FNBP1L: variants seen among roughly 807,000 people sequenced by gnomAD.
FNBP1L encodes formin-binding protein 1-like.
A neutral mutation model predicts 91.2 loss-of-function variants in FNBP1L; 36 were observed. The ratio of observed to expected loss-of-function variants is 0.39; its 90% CI spans 0.30 to 0.52. The LOEUF is 0.52. Ranked by LOEUF, FNBP1L falls within the 20% of genes least tolerant of loss-of-function variation. The pLI is 0.66. For synonymous variants in FNBP1L, 242 were observed against 237.0 expected (o/e 1.02, Z -0.19); for missense variants, 571 against 732.1 (o/e 0.78, Z 2.54).
chr1:93,505,178 C>T (rs942030716), intron 2 of FNBP1L, among the ~76,000 whole-genome samples: 2 of 145,224 alleles, frequency 1.4e-5, no homozygotes, highest in Non-Finnish European at 3.0e-5. Context: ...GTGGCGCGAT[C>T]TTGGCTCACT....
At chr1:93,513,200 T>C (rs1202466887) in intron 2 of FNBP1L, among the ~76,000 whole-genome samples, 6 of 151,168 alleles carry the variant, frequency 4.0e-5, no homozygotes, top group African/African-American at 7.3e-5. Flanking sequence ...ACACATACAC[T>C]CTCCCAAGAC....
At chr1:93,547,119 T>C in intron 13 of FNBP1L, 145 bp downstream of exon 13, 1 of 1,067,144 alleles carries the variant, frequency 9.4e-7, no homozygotes, top group Non-Finnish European at 1.3e-6. Context: ...ATGTGTGTTA[T>C]TTAATCTCAT....
Position 93,549,782 on chromosome 1 carries a change from G to A in FNBP1L, c.1651+356G>A, listed in dbSNP as rs766678444. Among the ~76,000 whole-genome samples, 12 of 152,152 alleles carry A rather than the reference G, an allele frequency of 7.9e-5. 1 individual carries two copies. The highest frequency in any genetic ancestry group is 1.2e-4 in the Non-Finnish European group (8 of 68,030). On this transcript the variant is annotated intron_variant, in intron 15 of 16. Coordinates refer to ENST00000271234, the MANE Select transcript of FNBP1L (RefSeq NM_001164473.3). Reference sequence around the variant, plus strand: ...TCAACCCAGGAAGCGGGATGCTGGCGGATGCCACTTCATGCTCTTCCTTGT... The same window carrying A: ...TCAACCCAGGAAGCGGGATGCTGGCAGATGCCACTTCATGCTCTTCCTTGT...
chr1:93,548,051 G>A (rs1337532398), intron 14 of FNBP1L, among the ~76,000 whole-genome samples: 3 of 152,064 alleles, frequency 2.0e-5, no homozygotes, highest in Non-Finnish European at 2.9e-5. Flanking sequence ...TCAATTTCCT[G>A]AAATATAAAA....
intron 1 of FNBP1L, among the ~76,000 whole-genome samples, chr1:93,472,515 T>TA (rs555639520): frequency 0.043 from 6,406 of 149,620 alleles, 173 homozygotes; most frequent in Admixed American, 0.07. Context: ...GAGAGATTAT[T>TA]AAAAAAAAAA....
At chr1:93,473,178 G>A (rs975453044) in intron 1 of FNBP1L, among the ~76,000 whole-genome samples, 4 of 151,036 alleles carry the variant, frequency 2.6e-5, no homozygotes, top group African/African-American at 9.8e-5. Flanking sequence ...TCTTTATGTT[G>A]CTTTAGATGG....
chr1:93,530,631 CATT>C, intron 6 of FNBP1L, 121 bp from the exon 7 acceptor site: 1 of 981,048 alleles, frequency 1.0e-6, no homozygotes, highest in Non-Finnish European at 1.5e-6. Flanking sequence ...TATGCCACGT[CATT>C]ATTCTTTTGA....
chr1:93,497,706 G>A (rs1480141911), intron 1 of FNBP1L, among the ~76,000 whole-genome samples: 3 of 151,922 alleles, frequency 2.0e-5, no homozygotes, highest in Non-Finnish European at 2.9e-5. Flanking sequence ...TGCAACCTCC[G>A]CCTCCTGGGT....
At chr1:93,452,476 A>G (rs1276204209) in intron 1 of FNBP1L, among the ~76,000 whole-genome samples, 5 of 152,248 alleles carry the variant, frequency 3.3e-5, no homozygotes, top group African/African-American at 1.2e-4. Context: ...AATTTACTTG[A>G]TTGATAGCTT....
rs1448736546 is a variant in FNBP1L, at chr1:93,553,690, T to C, written c.*1274T>C. 2.6e-5 allele frequency: 4 copies of C among 152,652 alleles called. No homozygotes were observed. The highest frequency in any genetic ancestry group is 2.6e-4 in the Admixed American group (4 of 15,286). 9.5% of individuals were successfully genotyped at this position (152,652 alleles called of 1,614,324 possible). A position where few individuals can be genotyped will look rare whatever the true frequency, so the allele number is the denominator to read the frequency against. ...TCTATGTGCACTTTTACTTGTAAAA[T>C]GGAATTTCTGTATGTTTATACTTGT... is the stretch of plus-strand genomic sequence containing the variant. On this transcript the variant is annotated 3_prime_UTR_variant, in exon 17 of 17. Transcript: ENST00000271234.
At chr1:93,450,466 A>C (rs1668457105) in intron 1 of FNBP1L, among the ~76,000 whole-genome samples, 1 of 152,236 alleles carries the variant, frequency 6.6e-6, no homozygotes, top group Non-Finnish European at 1.5e-5. Flanking sequence ...ACTAATATCA[A>C]CTTGGTGTCT....
chr1:93,480,341 T>G (rs1669653744), intron 1 of FNBP1L, among the ~76,000 whole-genome samples: 1 of 152,220 alleles, frequency 6.6e-6, no homozygotes, highest in Non-Finnish European at 1.5e-5. Flanking sequence ...TTTCTTGCCA[T>G]AGCGAGTGGA....
At chr1:93,478,505 A>G (rs1208655734) in intron 1 of FNBP1L, among the ~76,000 whole-genome samples, 1 of 152,102 alleles carries the variant, frequency 6.6e-6, no homozygotes, top group Non-Finnish European at 1.5e-5. Flanking sequence ...GGATAGTAGA[A>G]CCCAGGTGGA....
At chr1:93,459,965 G>GTGTA (rs1557773962) in intron 1 of FNBP1L, among the ~76,000 whole-genome samples, 1 of 149,714 alleles carries the variant, frequency 6.7e-6, no homozygotes, top group African/African-American at 2.4e-5. Flanking sequence ...GTGTGTGTGT[G>GTGTA]TGTGTGTGTG....
intron 2 of FNBP1L, among the ~76,000 whole-genome samples, chr1:93,516,569 G>A (rs1485715144): frequency 6.6e-6 from 1 of 152,070 alleles, no homozygotes; most frequent in African/African-American, 2.4e-5. Flanking sequence ...TGATCCCAGC[G>A]CTTTGGGAGG....
At chr1:93,459,859 C>A (rs1668801691) in intron 1 of FNBP1L, among the ~76,000 whole-genome samples, 1 of 151,804 alleles carries the variant, frequency 6.6e-6, no homozygotes, top group African/African-American at 2.4e-5. Context: ...CAAGTTGAAG[C>A]TTAATCTCTA....
intron 1 of FNBP1L, among the ~76,000 whole-genome samples, chr1:93,489,057 G>A (rs1051476661): frequency 3.3e-5 from 5 of 152,136 alleles, no homozygotes; most frequent in Admixed American, 6.6e-5. Context: ...AGTCCCTTAG[G>A]TAATAGACAT....
intron 1 of FNBP1L, among the ~76,000 whole-genome samples, chr1:93,489,856 A>T (rs1056272401): frequency 6.6e-6 from 1 of 152,228 alleles, no homozygotes; most frequent in Non-Finnish European, 1.5e-5. Flanking sequence ...TCTGCAGTCC[A>T]TAAGAGTTAA....
chr1:93,521,011 C>G (rs1293889947), intron 2 of FNBP1L, among the ~76,000 whole-genome samples: 1 of 152,016 alleles, frequency 6.6e-6, no homozygotes, highest in Non-Finnish European at 1.5e-5. Flanking sequence ...CACTGCACTC[C>G]AGCCTGGGCG....
Sources: gnomAD v4.1 joint callset for allele counts (sites outside exome capture counted in the v4.1 genomes callset) on GRCh38, gnomAD v4.1.1 for gene constraint, MANE v1.5 for transcripts, NCBI Gene and HGNC (gene_info 2026-07-23, HGNC 2026-07-21) for gene names.